CCDC142: variants seen among roughly 807,000 people sequenced by gnomAD.
CCDC142 encodes coiled-coil domain containing 142, also known as coiled-coil domain-containing protein 142.
Under a neutral mutation model 83.8 loss-of-function variants are expected in CCDC142, and 67 were observed. The ratio of observed to expected loss-of-function variants is 0.80; its 90% CI spans 0.66 to 0.98. CCDC142 has a LOEUF of 0.98. Among genes scored for constraint, CCDC142 ranks in the 50% least tolerant of loss-of-function variants. The pLI, the probability that CCDC142 is intolerant of heterozygous loss-of-function variation, is 0.00. For synonymous variants in CCDC142, 421 were observed against 421.2 expected, an observed-to-expected ratio of 1.00 and a Z score of 0.01; for missense variants, 905 against 946.8, an observed-to-expected ratio of 0.96 and a Z score of 0.58.
Position 74,481,207 on chromosome 2 carries a change from C to T in CCDC142, c.1258+16G>A, listed in dbSNP as rs1226423161. The T allele has an allele frequency of 1.2e-6, 2 of 1,613,926 alleles. No homozygotes were observed. Reference sequence around the variant, plus strand: ...CTCAACTGCTCTGTGTCCCCAGCCCCAGCCCCTCGTCTCACCTGCAGGCTG... The same window carrying T: ...CTCAACTGCTCTGTGTCCCCAGCCCTAGCCCCTCGTCTCACCTGCAGGCTG... On this transcript the variant is annotated intron_variant, in intron 3 of 8. Transcript: ENST00000393965.
At chr2:74,479,024 T>A (rs1672388451) in intron 5 of CCDC142, among the ~76,000 whole-genome samples, 5 of 102,992 alleles carry the variant, frequency 4.9e-5, no homozygotes, top group Admixed American at 1.0e-4. Context: ...AGACACCTTC[T>A]CAAAAAAAAA....
At position 74,473,522 on chromosome 2, in the gene CCDC142, G is replaced by A. The variant is rs1293235810; in HGVS notation, c.*1024C>T. ...TTTTTAGTAGAGGCGGGGTTTCACC[G>A]CGTTAGCCAGGATGGTCTTGATCGG... On this transcript the variant is annotated 3_prime_UTR_variant, in exon 9 of 9. Transcript: ENST00000393965. 1.3e-5 allele frequency among the ~76,000 whole-genome samples: 2 copies of A among 151,940 alleles called. No individual in the cohort carries two copies. Among genetic ancestry groups the A allele is most frequent in the African/African-American group, 4.8e-5 (2 of 41,366 alleles).
intron 5 of CCDC142, among the ~76,000 whole-genome samples, chr2:74,476,195 CAG>C (rs1235325015): frequency 8.6e-5 from 13 of 152,002 alleles, no homozygotes; most frequent in Non-Finnish European, 1.6e-4. Flanking sequence ...ATTTTTGAGG[CAG>C]AGTCTTGCTG....
At chr2:74,475,559 G>T in intron 6 of CCDC142, 53 bp downstream of exon 6, 1 of 1,521,620 alleles carries the variant, frequency 6.6e-7, no homozygotes, top group Non-Finnish European at 9.1e-7. Flanking sequence ...GAAGGGCTGA[G>T]ACACTATTAC....
At chr2:74,478,011 T>TAA (rs1164035182) in intron 5 of CCDC142, among the ~76,000 whole-genome samples, 2 of 146,560 alleles carry the variant, frequency 1.4e-5, no homozygotes, top group African/African-American at 5.0e-5. Flanking sequence ...TATATATATA[T>TAA]AAATAGATAT....
chr2:74,480,923 G>T (rs1672425615), intron 4 of CCDC142, 33 bp downstream of exon 4: 1 of 1,612,528 alleles, frequency 6.2e-7, no homozygotes, highest in African/African-American at 1.3e-5. Flanking sequence ...GCCTAGCTCA[G>T]GCTGCTCCCC....
Position 74,482,991 on chromosome 2 carries a change from A to G in CCDC142, c.-154T>C, listed in dbSNP as rs909442172. On this transcript the variant is annotated 5_prime_UTR_variant, in exon 1 of 9. Transcript: ENST00000393965. The surrounding 1 kb of genome is among the most constrained non-coding windows in gnomAD (Gnocchi z 5.0). Reference sequence around the variant, plus strand: ...GGACTCTCTCGTGCTCCGTAATGGGAGGCTTCTGCCCCTAACAAACATGGC... The same window carrying G: ...GGACTCTCTCGTGCTCCGTAATGGGGGGCTTCTGCCCCTAACAAACATGGC... 76 of 1,581,374 alleles carry G rather than the reference A, an allele frequency of 4.8e-5. No homozygotes were observed. The highest frequency in any genetic ancestry group is 6.4e-5 in the Non-Finnish European group (74 of 1,151,966).
In CCDC142 at chr2:74,474,951, G is replaced by A. The variant is rs376097986; in HGVS notation, c.1961C>T (p.Pro654Leu). The A allele has an allele frequency of 6.2e-7, 1 of 1,606,226 alleles. No individual in the cohort carries two copies. Among genetic ancestry groups the A allele is most frequent in the Non-Finnish European group, 8.5e-7 (1 of 1,175,954 alleles). ...ALLCLLQQPL[P>L]KSQVHRRPPC... ...GGGCCTCCTGTGGACTTGAGACTTG[G>A]GCAGGGGCTGCTGCAACAGACACAG... Residue 654 changes from proline (P) to leucine (L), a missense_variant, in exon 8 of 9, where the codon CCC becomes CTC. Coordinates refer to ENST00000393965, the MANE Select transcript of CCDC142 (RefSeq NM_001365575.2).
At chr2:74,476,041 CGCA>C (rs1558572420) in intron 5 of CCDC142, among the ~76,000 whole-genome samples, 13 of 134,960 alleles carry the variant, frequency 9.6e-5, no homozygotes, top group Admixed American at 4.9e-4. Context: ...CCCCCACCCC[CGCA>C]ACACACACAC....
rs1391616221 is a variant in CCDC142, at chr2:74,473,646, C to G, written c.*900G>C. ...CTGGCCGAGCACTCAACTCTTTATC[C>G]CTGAGATATCTTCAGTGATGGAGAA... On this transcript the variant is annotated 3_prime_UTR_variant, in exon 9 of 9. Transcript: ENST00000393965. 1.3e-5 allele frequency: 2 copies of G among 152,100 alleles called. No individual in the cohort carries two copies. Among genetic ancestry groups the G allele is most frequent in the African/African-American group, 2.4e-5 (1 of 41,374 alleles). The allele number at this position is 152,100 out of a possible 1,614,324, so 9.4% of individuals were successfully genotyped here.
intron 5 of CCDC142, among the ~76,000 whole-genome samples, chr2:74,478,465 C>G (rs1672376049): frequency 6.6e-6 from 1 of 151,676 alleles, no homozygotes. Flanking sequence ...CAACTTCCGC[C>G]TCCTAGGTTC....
At position 74,474,590 on chromosome 2, in the gene CCDC142, G is replaced by A. The variant is rs1672268180; in HGVS notation, c.2209C>T (p.His737Tyr). 6.2e-7 allele frequency: 1 copy of A among 1,614,074 alleles called. No homozygotes were observed. The highest frequency in any genetic ancestry group is 8.5e-7 in the Non-Finnish European group (1 of 1,179,996). ...CCCAGGCAGGAAAAAAACGGCAGGT[G>A]CCAACGGGGTCGCTGGTGTTGCCTG... ...ALRQHQRPRW[H>Y]LPFFSCLGTS... is the part of the protein sequence containing the mutation. The change falls in exon 9 of 9, where the codon CAC becomes TAC. Residue 737 changes from histidine to tyrosine, a missense_variant. Physicochemically the swap from His to Tyr is moderately conservative, Grantham distance 83. Around this residue, in one of 3 missense-constraint regions of CCDC142, gnomAD observed 265 missense variants for 288.9 expected, o/e 0.92. Coordinates refer to ENST00000393965, the MANE Select transcript of CCDC142 (RefSeq NM_001365575.2).
Position 74,482,865 on chromosome 2 carries a change from C to T in CCDC142, c.-28G>A, listed in dbSNP as rs771587451. 1 of 1,586,682 alleles carries T rather than the reference C, an allele frequency of 6.3e-7. No individual in the cohort carries two copies. The highest frequency in any genetic ancestry group is 8.5e-7 in the Non-Finnish European group (1 of 1,172,706). Reference sequence around the variant, plus strand: ...GGCGGCGGGTCCAGAACGAACCTAACGATTCCCACTTCCCTGCACGGACCA... The same window carrying T: ...GGCGGCGGGTCCAGAACGAACCTAATGATTCCCACTTCCCTGCACGGACCA... On this transcript the variant is annotated 5_prime_UTR_variant, in exon 1 of 9. Coordinates refer to ENST00000393965, the MANE Select transcript of CCDC142 (RefSeq NM_001365575.2). The surrounding 1 kb of genome is among the most constrained non-coding windows in gnomAD (Gnocchi z 5.0).
chr2:74,482,929 C>A lies in CCDC142; in HGVS notation c.-92G>T. 1 of 1,561,154 alleles carries A rather than the reference C, an allele frequency of 6.4e-7. No homozygotes were observed. The highest frequency in any genetic ancestry group is 2.3e-5 in the East Asian group (1 of 44,408). The stretch of plus-strand genomic sequence containing the variant: ...CTCGGACTTCGCCCCATCGCAAGAG[C>A]CGTTTTCTCCAGTCCGGGAGTCGCG... On this transcript the variant is annotated 5_prime_UTR_variant, in exon 1 of 9. Transcript: ENST00000393965. This position sits in a 1 kb window ranked among gnomAD's most constrained non-coding sequence, Gnocchi z 5.0.
chr2:74,480,693 T>C, intron 5 of CCDC142, 76 bp downstream of exon 5: 1 of 975,380 alleles, frequency 1.0e-6, no homozygotes. Flanking sequence ...ACTGAGATGT[T>C]CTACTCTTCC....
chr2:74,480,883 C>T lies in CCDC142; in HGVS notation c.1390-1G>A. The stretch of plus-strand genomic sequence containing the variant: ...AAGCTTCTGCCTCATGCAACAGAGG[C>T]TTTGGGTGGAAACAGGGAGTGAGGG... On this transcript the variant is annotated splice_acceptor_variant, in intron 4 of 8. Coordinates refer to ENST00000393965, the MANE Select transcript of CCDC142 (RefSeq NM_001365575.2). LOFTEE classifies it high-confidence loss of function. The T allele has an allele frequency of 6.2e-7, 1 of 1,613,752 alleles. No homozygotes were observed. The highest frequency in any genetic ancestry group is 8.5e-7 in the Non-Finnish European group (1 of 1,179,658).
rs115461161 is a variant in CCDC142 at position 74,476,861 on chromosome 2, C to A, written c.1504-1135G>T. 5.1e-3 allele frequency among the ~76,000 whole-genome samples: 773 copies of A among 152,312 alleles called. 6 individuals carry two copies. The highest frequency in any genetic ancestry group is 0.018 in the African/African-American group (738 of 41,564). On this transcript the variant is annotated intron_variant, in intron 5 of 8. Coordinates refer to ENST00000393965, the MANE Select transcript of CCDC142 (RefSeq NM_001365575.2). ...GAAGACAGGATAGACCTGGGGGCGGCCAGACATGGAGTGGAGCCCATATGG... is the reference window on the plus strand; with the variant it reads ...GAAGACAGGATAGACCTGGGGGCGGACAGACATGGAGTGGAGCCCATATGG...
At chr2:74,477,116 A>T (rs1040087925) in intron 5 of CCDC142, among the ~76,000 whole-genome samples, 16 of 150,926 alleles carry the variant, frequency 1.1e-4, no homozygotes, top group African/African-American at 3.9e-4. Flanking sequence ...AAAACTCACA[A>T]TGCCTCTTTT....
At position 74,482,530 on chromosome 2, in the gene CCDC142, T is replaced by C; in HGVS notation, c.308A>G (p.Glu103Gly). ...AVLLRLHRER[E>G]QLLQARDCAY... ...GCAGTCTCGGGCCTGGAGGAGCTGCTCCCGCTCGCGATGCAGCCGCAGCAA... is the reference window on the plus strand; with the variant it reads ...GCAGTCTCGGGCCTGGAGGAGCTGCCCCCGCTCGCGATGCAGCCGCAGCAA... Residue 103 changes from glutamate to glycine, a missense_variant, in exon 1 of 9, where the codon GAG becomes GGG. Coordinates refer to ENST00000393965, the MANE Select transcript of CCDC142 (RefSeq NM_001365575.2). The surrounding 1 kb of genome is among the most constrained non-coding windows in gnomAD (Gnocchi z 5.0). 1 of 1,584,644 alleles carries C rather than the reference T, an allele frequency of 6.3e-7. No individual in the cohort carries two copies. Among genetic ancestry groups the C allele is most frequent in the Non-Finnish European group, 8.6e-7 (1 of 1,165,252 alleles).
Sources: allele counts gnomAD v4.1 joint callset (sites outside exome capture counted in the v4.1 genomes callset), GRCh38; gene constraint gnomAD v4.1.1; regional missense constraint gnomAD v4.1.1; non-coding constraint Gnocchi (gnomAD v3.1); transcripts MANE v1.5; gene names NCBI Gene and HGNC (gene_info 2026-07-23, HGNC 2026-07-21).